Variants in MARCHF3 observed in about 807,000 individuals in gnomAD.
MARCHF3 encodes membrane associated ring-CH-type finger 3.
MARCHF3 carries 13 observed loss-of-function variants against 24.2 expected under a neutral mutation model. The observed-to-expected ratio is 0.54, with a 90% confidence interval of 0.35 to 0.85. The LOEUF (loss-of-function observed/expected upper bound fraction) is 0.85. MARCHF3 is among the 40% of genes least tolerant of loss of function. MARCHF3 has a pLI of 0.01. For synonymous variants in MARCHF3, 144 were observed against 137.3 expected, an observed-to-expected ratio of 1.05 and a Z score of -0.34; for missense variants, 276 against 325.0, an observed-to-expected ratio of 0.85 and a Z score of 1.16.
rs1752849646 is a variant in MARCHF3 at position 126,868,683 on chromosome 5, G to T, written c.*1950C>A. On this transcript the variant is annotated 3_prime_UTR_variant, in exon 5 of 5. Coordinates refer to ENST00000308660, the MANE Select transcript of MARCHF3 (RefSeq NM_178450.5). ...GGGGTATGGTCCTCTCATGAATGTT[G>T]TGCCATTCAGTTGAGACGTGTCACG... 1 of 152,198 alleles carries T rather than the reference G, an allele frequency of 6.6e-6. No individual in the cohort carries two copies. The highest frequency in any genetic ancestry group is 2.4e-5 in the African/African-American group (1 of 41,410). The allele number at this position is 152,198 out of a possible 1,614,324, so 9.4% of individuals were successfully genotyped here.
chr5:126,986,467 TTTA>T (rs1751571528), intron 1 of MARCHF3, among the ~76,000 whole-genome samples: 1 of 152,250 alleles, frequency 6.6e-6, no homozygotes, highest in Non-Finnish European at 1.5e-5. Context: ...AAAATCGTAG[TTTA>T]TTATTTTAAA....
At chr5:126,882,097 A>C (rs1008437108) in intron 3 of MARCHF3, among the ~76,000 whole-genome samples, 1 of 152,242 alleles carries the variant, frequency 6.6e-6, no homozygotes, top group African/African-American at 2.4e-5. Context: ...CAGGTAGCAG[A>C]AAGTTTCATA....
At chr5:126,999,682 G>C (rs1752062787) in intron 1 of MARCHF3, among the ~76,000 whole-genome samples, 1 of 152,178 alleles carries the variant, frequency 6.6e-6, no homozygotes, top group South Asian at 2.1e-4. Flanking sequence ...TTTGTTACCA[G>C]ATGGTCAACT....
At chr5:126,924,693 A>G (rs1460997320) in intron 1 of MARCHF3, among the ~76,000 whole-genome samples, 1 of 152,234 alleles carries the variant, frequency 6.6e-6, no homozygotes, top group Non-Finnish European at 1.5e-5. Flanking sequence ...AACCATTAAC[A>G]TGGAAAAACG....
chr5:126,980,009 T>C (rs536550270), intron 1 of MARCHF3, among the ~76,000 whole-genome samples: 4 of 151,686 alleles, frequency 2.6e-5, no homozygotes, highest in African/African-American at 7.3e-5. Context: ...ATTGAGCCTA[T>C]TTCACCTGTC....
chr5:126,911,489 G>A (rs371224211), intron 3 of MARCHF3, among the ~76,000 whole-genome samples: 71 of 152,280 alleles, frequency 4.7e-4, no homozygotes, highest in South Asian at 2.7e-3. Flanking sequence ...AGGTTCCCCC[G>A]ATAATCTACA....
In MARCHF3 at chr5:126,945,429, G is replaced by A. The variant is rs113090847; in HGVS notation, c.-56-27202C>T. Among the ~76,000 whole-genome samples, 895 of 152,338 alleles carry A rather than the reference G, an allele frequency of 5.9e-3. 10 individuals carry two copies. Among genetic ancestry groups the A allele is most frequent in the African/African-American group, 0.021 (872 of 41,576 alleles). ...GGAGGGTGGGCAGAGGCATTCAGAG[G>A]TGTCCTGGAGGAAATGAGGTTAAGC... On this transcript the variant is annotated intron_variant, in intron 1 of 4. Transcript: ENST00000308660.
At chr5:126,975,505 T>C (rs73786247) in intron 1 of MARCHF3, among the ~76,000 whole-genome samples, 7,854 of 152,284 alleles carry the variant, frequency 0.052, 375 homozygotes, top group South Asian at 0.14. Context: ...TCCTCTCTTC[T>C]AGCTATCAAG....
chr5:126,912,434 G>A (rs1167921741), intron 3 of MARCHF3, among the ~76,000 whole-genome samples: 1 of 152,188 alleles, frequency 6.6e-6, no homozygotes, highest in Non-Finnish European at 1.5e-5. Context: ...GAAATTAAAT[G>A]TTATGGAATT....
At chr5:126,880,759 C>A (rs1178184762) in intron 3 of MARCHF3, among the ~76,000 whole-genome samples, 1 of 152,178 alleles carries the variant, frequency 6.6e-6, no homozygotes, top group African/African-American at 2.4e-5. Context: ...GCAAACCAAC[C>A]CAATTCTCCT....
chr5:126,920,559 A>G (rs1233414675), intron 1 of MARCHF3, among the ~76,000 whole-genome samples: 1 of 152,156 alleles, frequency 6.6e-6, no homozygotes, highest in Admixed American at 6.5e-5. Context: ...CGGGTTTTGC[A>G]TAACTCCAGC....
intron 3 of MARCHF3, among the ~76,000 whole-genome samples, chr5:126,906,069 A>T (rs1754281871): frequency 6.6e-6 from 1 of 151,068 alleles, no homozygotes; most frequent in Non-Finnish European, 1.5e-5. Context: ...ATCTATTGAG[A>T]TAATCATGTG....
At chr5:127,017,098 G>A (rs182922904) in intron 1 of MARCHF3, among the ~76,000 whole-genome samples, 2 of 152,170 alleles carry the variant, frequency 1.3e-5, no homozygotes, top group African/African-American at 4.8e-5. Context: ...GGAACATCAC[G>A]CACTGGGGCC....
intron 1 of MARCHF3, among the ~76,000 whole-genome samples, chr5:126,968,154 C>T (rs1213320606): frequency 6.6e-6 from 1 of 152,164 alleles, no homozygotes; most frequent in Non-Finnish European, 1.5e-5. Flanking sequence ...GTACTTTGTT[C>T]CTTTTCATGG....
intron 1 of MARCHF3, among the ~76,000 whole-genome samples, chr5:126,934,682 TGAAGGAAGAAAG>T (rs768562729): frequency 5.6e-4 from 81 of 145,638 alleles, no homozygotes; most frequent in South Asian, 1.1e-3. Flanking sequence ...GAAGAAAGAA[TGAAGGAAGAAAG>T]GAAGGAAGAA....
At chr5:126,991,040 A>G (rs1751740925) in intron 1 of MARCHF3, among the ~76,000 whole-genome samples, 1 of 152,204 alleles carries the variant, frequency 6.6e-6, no homozygotes, top group African/African-American at 2.4e-5. Flanking sequence ...CAGCCATCCC[A>G]TTACCGGGTA....
At chr5:126,886,627 A>G (rs528567568) in intron 3 of MARCHF3, among the ~76,000 whole-genome samples, 1 of 152,336 alleles carries the variant, frequency 6.6e-6, no homozygotes, top group East Asian at 1.9e-4. Flanking sequence ...AGGCTTGACT[A>G]AAGGATTTCA....
At chr5:126,894,782 T>C (rs1753814959) in intron 3 of MARCHF3, among the ~76,000 whole-genome samples, 3 of 152,034 alleles carry the variant, frequency 2.0e-5, no homozygotes, top group Non-Finnish European at 2.9e-5. Context: ...CTGACAATTA[T>C]GTGTCTTGGA....
intron 1 of MARCHF3, among the ~76,000 whole-genome samples, chr5:126,989,045 T>G (rs1751656255): frequency 1.3e-5 from 2 of 152,130 alleles, no homozygotes; most frequent in Non-Finnish European, 2.9e-5. Context: ...AGGACTAGGC[T>G]GAGGTGGGAG....
Sources: gnomAD v4.1 joint callset for allele counts (sites outside exome capture counted in the v4.1 genomes callset) on GRCh38, gnomAD v4.1.1 for gene constraint, MANE v1.5 for transcripts, NCBI Gene and HGNC (gene_info 2026-07-23, HGNC 2026-07-21) for gene names.